FHIT: variants seen among roughly 807,000 people sequenced by gnomAD.
FHIT encodes the protein bis(5'-adenosyl)-triphosphatase.
A neutral mutation model predicts 17.9 loss-of-function variants in FHIT; 19 were observed. The ratio of observed to expected loss-of-function variants is 1.06; its 90% confidence interval spans 0.74 to 1.56. The LOEUF (loss-of-function observed/expected upper bound fraction) is 1.56. Ranked by LOEUF, FHIT falls within the 40% of genes most tolerant of loss-of-function variation. The pLI is 0.00. For synonymous variants in FHIT, 81 were observed against 69.7 expected (o/e 1.16, Z -0.81); for missense variants, 248 against 189.2 (o/e 1.31, Z -1.82).
chr3:59,945,707 T>C (rs1240168633), intron 7 of FHIT, among the ~76,000 whole-genome samples: 1 of 152,206 alleles, frequency 6.6e-6, no homozygotes, highest in Non-Finnish European at 1.5e-5. Flanking sequence ...TGAGTTTATT[T>C]TTGCATACAT....
chr3:60,522,649 G>C (rs1013193819), intron 5 of FHIT, among the ~76,000 whole-genome samples: 2 of 152,186 alleles, frequency 1.3e-5, no homozygotes, highest in Admixed American at 1.3e-4. Flanking sequence ...CAGCCTCCAT[G>C]TGCATTGGAA....
intron 5 of FHIT, among the ~76,000 whole-genome samples, chr3:60,226,494 A>T (rs1704210877): frequency 6.8e-6 from 1 of 147,526 alleles, no homozygotes; most frequent in African/African-American, 2.6e-5. Flanking sequence ...AAAAAAAAAA[A>T]CACTGCCTGC....
Position 60,186,242 on chromosome 3 carries a change from G to C in FHIT, c.104-172090C>G, listed in dbSNP as rs76487510. On this transcript the variant is annotated intron_variant, in intron 5 of 9. Transcript: ENST00000492590. ...ATACAAGATCCCAGATTTTTTTCTA[G>C]ATTTTATACTTTTGCATTTCACATT... Among the ~76,000 whole-genome samples the C allele has an allele frequency of 4.6e-3, 694 of 151,856 alleles. 9 individuals are homozygous for C. Among genetic ancestry groups the C allele is most frequent in the Middle Eastern group, 0.017 (5 of 294 alleles).
chr3:61,196,137 A>T (rs894863314), intron 2 of FHIT, among the ~76,000 whole-genome samples: 2 of 152,188 alleles, frequency 1.3e-5, no homozygotes, highest in Non-Finnish European at 2.9e-5. Context: ...TTAGGAAAAA[A>T]TAATATAAGT....
intron 4 of FHIT, among the ~76,000 whole-genome samples, chr3:60,573,270 G>A (rs2037449112): frequency 6.6e-6 from 1 of 152,122 alleles, no homozygotes; most frequent in African/African-American, 2.4e-5. Context: ...TCCCCTCTGA[G>A]GGTGTCCTAG....
intron 2 of FHIT, among the ~76,000 whole-genome samples, chr3:61,074,895 T>C (rs1043695504): frequency 6.6e-6 from 1 of 152,136 alleles, no homozygotes; most frequent in South Asian, 2.1e-4. Context: ...TCCAAGAGCA[T>C]TGAGTGTGTG....
intron 7 of FHIT, among the ~76,000 whole-genome samples, chr3:59,930,107 A>T (rs886278131): frequency 6.6e-6 from 1 of 152,186 alleles, no homozygotes; most frequent in African/African-American, 2.4e-5. Flanking sequence ...ATCCCAGCCA[A>T]GGTGTGAGGG....
intron 4 of FHIT, among the ~76,000 whole-genome samples, chr3:60,560,862 G>A (rs2036917414): frequency 2.8e-5 from 4 of 143,684 alleles, no homozygotes; most frequent in African/African-American, 1.1e-4. Flanking sequence ...GAGAGAGTGT[G>A]TGTGTGTGTG....
intron 5 of FHIT, among the ~76,000 whole-genome samples, chr3:60,302,973 A>G (rs1344170255): frequency 1.3e-5 from 2 of 152,202 alleles, no homozygotes; most frequent in Non-Finnish European, 2.9e-5. Flanking sequence ...TTTGTTAATA[A>G]GTTTCTCCCC....
At chr3:60,473,692 G>C (rs1369791644) in intron 5 of FHIT, among the ~76,000 whole-genome samples, 2 of 152,182 alleles carry the variant, frequency 1.3e-5, no homozygotes, top group African/African-American at 2.4e-5. Flanking sequence ...GCAAAGGTTG[G>C]TAGATTGCCT....
intron 5 of FHIT, among the ~76,000 whole-genome samples, chr3:60,357,856 A>G (rs1255780702): frequency 6.6e-6 from 1 of 152,200 alleles, no homozygotes; most frequent in Admixed American, 6.5e-5. Flanking sequence ...TTGTTCAAGA[A>G]TGGTTTTAGC....
chr3:60,442,052 A>T (rs577291967), intron 5 of FHIT, among the ~76,000 whole-genome samples: 51 of 151,146 alleles, frequency 3.4e-4, no homozygotes, highest in African/African-American at 1.2e-3. Flanking sequence ...TAGAAATGGG[A>T]TCTCACTGTG....
At chr3:59,829,318 G>A (rs1462278041) in intron 8 of FHIT, among the ~76,000 whole-genome samples, 1 of 152,192 alleles carries the variant, frequency 6.6e-6, no homozygotes, top group African/African-American at 2.4e-5. Context: ...TTTTAGTTAA[G>A]GGAGGTTAAA....
At chr3:60,559,202 A>G (rs182797929) in intron 4 of FHIT, among the ~76,000 whole-genome samples, 1 of 152,312 alleles carries the variant, frequency 6.6e-6, no homozygotes, top group Non-Finnish European at 1.5e-5. Context: ...CAGCAGTATT[A>G]ATTTTCAACT....
At chr3:60,056,428 G>A (rs559116240) in intron 5 of FHIT, among the ~76,000 whole-genome samples, 29 of 152,304 alleles carry the variant, frequency 1.9e-4, no homozygotes, top group Admixed American at 1.0e-3. Flanking sequence ...ACCCTGTCCC[G>A]ATTCTATTGT....
intron 4 of FHIT, among the ~76,000 whole-genome samples, chr3:60,699,700 T>TAAAAA (rs56396940): frequency 7.1e-6 from 1 of 141,178 alleles, no homozygotes. Flanking sequence ...AAAAAAAAAT[T>TAAAAA]AAAAAAAAAA....
chr3:61,201,173 G>A (rs973471891), intron 1 of FHIT, among the ~76,000 whole-genome samples: 1 of 152,062 alleles, frequency 6.6e-6, no homozygotes. Context: ...ATGATTACAG[G>A]GACAATCACC....
chr3:60,730,577 G>T, intron 4 of FHIT: 2 of 157,904 alleles, frequency 1.3e-5, no homozygotes, highest in South Asian at 3.7e-4. Context: ...GGATGCTGAT[G>T]AAATAGCCCA....
At chr3:61,067,862 G>T (rs1474172447) in intron 2 of FHIT, among the ~76,000 whole-genome samples, 1 of 152,142 alleles carries the variant, frequency 6.6e-6, no homozygotes, top group Non-Finnish European at 1.5e-5. Flanking sequence ...TCAGAACTTA[G>T]TCAAATGGCC....
Sources: gnomAD v4.1 joint callset for allele counts (sites outside exome capture counted in the v4.1 genomes callset) on GRCh38, gnomAD v4.1.1 for gene constraint, MANE v1.5 for transcripts, NCBI Gene and HGNC (gene_info 2026-07-23, HGNC 2026-07-21) for gene names.